The following PHF20 variants were observed in gnomAD, a reference collection of about 807,000 sequenced individuals.
PHF20 encodes the protein PHD finger protein 20.
PHF20 carries 23 observed loss-of-function variants against 113.5 expected under a neutral mutation model. That is an observed-to-expected ratio of 0.20 (90% CI 0.15 to 0.29). The LOEUF is 0.29. Ranked by LOEUF, PHF20 falls within the 10% of genes least tolerant of loss-of-function variation. The probability of loss-of-function intolerance (pLI) is 1.00; values close to 1 mark genes in which losing one functional copy is unlikely to be tolerated. For synonymous variants in PHF20, 434 were observed against 457.3 expected (o/e 0.95, Z 0.65); for missense variants, 943 against 1,219.6 (o/e 0.77, Z 3.38).
rs1045717999 is a variant in PHF20, at chr20:35,917,803, C to T, written c.2004+141C>T. On this transcript the variant is annotated intron_variant, in intron 13 of 17. Transcript: ENST00000374012. ...GGCAGCAGACTGAGCTTCTCTTTTTCGTTTGGCTTCCTCAGAGTTCCAGGC... is the reference window on the plus strand; with the variant it reads ...GGCAGCAGACTGAGCTTCTCTTTTTTGTTTGGCTTCCTCAGAGTTCCAGGC... The T allele has an allele frequency of 6.7e-5, 47 of 704,940 alleles. 1 individual carries two copies. Among genetic ancestry groups the T allele is most frequent in the Admixed American group, 5.8e-4 (20 of 34,230 alleles). 43.7% of individuals were successfully genotyped at this position (704,940 alleles called of 1,614,324 possible).
intron 1 of PHF20, among the ~76,000 whole-genome samples, chr20:35,786,539 T>A (rs771259064): frequency 1.1e-4 from 16 of 151,744 alleles, no homozygotes; most frequent in Non-Finnish European, 2.2e-4. Context: ...CTGTCTCTAC[T>A]AAAATACAAA....
At chr20:35,814,887 A>T (rs185215104) in intron 2 of PHF20, among the ~76,000 whole-genome samples, 5,252 of 147,084 alleles carry the variant, frequency 0.036, 226 homozygotes, top group African/African-American at 0.088. Flanking sequence ...AAAAAAAAAA[A>T]AAATAAAATA....
chr20:35,823,227 T>C (rs976814120), intron 2 of PHF20, among the ~76,000 whole-genome samples: 2 of 152,062 alleles, frequency 1.3e-5, no homozygotes, highest in African/African-American at 4.8e-5. Flanking sequence ...TTTGAGATGC[T>C]CAACCCATAG....
intron 7 of PHF20, among the ~76,000 whole-genome samples, chr20:35,870,349 C>T (rs1475352776): frequency 1.4e-5 from 2 of 143,028 alleles, no homozygotes; most frequent in African/African-American, 2.6e-5. Flanking sequence ...GGTGTGGTGG[C>T]GGGTGCCTGT....
At position 35,869,444 on chromosome 20, in the gene PHF20, A is replaced by G. The variant is rs1383940548; in HGVS notation, c.815A>G (p.Asp272Gly). 1 of 1,569,172 alleles carries G rather than the reference A, an allele frequency of 6.4e-7. No homozygotes were observed. The highest frequency in any genetic ancestry group is 8.7e-7 in the Non-Finnish European group (1 of 1,143,482). ...RPPSIAPTAV[D>G]SNSQTLQPIT... is the part of the protein sequence containing the mutation. ...GGTTTTATAAACATGGTAGCTGTGG[A>G]TTCAAACTCTCAAACTTTGCAACCA... Residue 272 changes from aspartate to glycine, a missense_variant, in exon 7 of 18, where the codon GAT becomes GGT. Asp to Gly is a moderately conservative substitution (Grantham distance 94). Around this residue, in one of 3 missense-constraint regions of PHF20, gnomAD observed 592 missense variants for 787.2 expected, o/e 0.75. Coordinates refer to ENST00000374012, the MANE Select transcript of PHF20 (RefSeq NM_016436.5).
chr20:35,905,696 T>G (rs2055190044), intron 10 of PHF20, among the ~76,000 whole-genome samples: 1 of 152,196 alleles, frequency 6.6e-6, no homozygotes, highest in Non-Finnish European at 1.5e-5. Context: ...AACCCACGCC[T>G]TAAGGAGTGA....
chr20:35,802,311 G>T (rs1172622701), intron 2 of PHF20, among the ~76,000 whole-genome samples: 1 of 151,922 alleles, frequency 6.6e-6, no homozygotes. Flanking sequence ...CTCAAGGTGA[G>T]CGTGGGGTTT....
intron 4 of PHF20, chr20:35,851,027 C>A: frequency 2.7e-6 from 1 of 364,102 alleles, no homozygotes; most frequent in Non-Finnish European, 5.2e-6. Context: ...CTCCTGACCT[C>A]AAATGATCCA....
intron 2 of PHF20, among the ~76,000 whole-genome samples, chr20:35,814,281 G>A (rs1361795747): frequency 6.6e-6 from 1 of 151,420 alleles, no homozygotes; most frequent in Non-Finnish European, 1.5e-5. Context: ...GCAGTGGTAC[G>A]ATCTCGGCTC....
intron 9 of PHF20, among the ~76,000 whole-genome samples, chr20:35,897,582 T>C (rs990023481): frequency 3.7e-5 from 5 of 136,020 alleles, no homozygotes; most frequent in South Asian, 2.4e-4. Flanking sequence ...TTTTTTTTTT[T>C]CTGAGACGGG....
chr20:35,814,518 A>G (rs1349604206), intron 2 of PHF20, among the ~76,000 whole-genome samples: 2 of 149,452 alleles, frequency 1.3e-5, no homozygotes, highest in South Asian at 2.2e-4. Flanking sequence ...CGCCCGGCCT[A>G]TAATATTAAA....
intron 2 of PHF20, among the ~76,000 whole-genome samples, chr20:35,804,382 C>T (rs1441700715): frequency 6.6e-6 from 1 of 151,932 alleles, no homozygotes; most frequent in African/African-American, 2.4e-5. Flanking sequence ...TACAGGCACC[C>T]ACCACCATGC....
chr20:35,925,975 AG>A (rs2055622106), intron 13 of PHF20, among the ~76,000 whole-genome samples: 1 of 151,484 alleles, frequency 6.6e-6, no homozygotes, highest in Non-Finnish European at 1.5e-5. Context: ...ACAAAAAATT[AG>A]CTGGGCATGG....
At chr20:35,865,082 C>T (rs1211501669) in intron 6 of PHF20, among the ~76,000 whole-genome samples, 1 of 152,008 alleles carries the variant, frequency 6.6e-6, no homozygotes, top group Non-Finnish European at 1.5e-5. Context: ...ATCCCAGCTA[C>T]TCAGGAGGCT....
chr20:35,772,532 A>G (rs1162666661), intron 1 of PHF20, among the ~76,000 whole-genome samples: 4 of 152,224 alleles, frequency 2.6e-5, no homozygotes, highest in African/African-American at 9.6e-5. Flanking sequence ...TCTGGGGAGC[A>G]CATTCCTTTC....
chr20:35,793,995 C>CAAAACAAAAAAAAAAAAAAAAAAA (rs1385077985), intron 1 of PHF20, among the ~76,000 whole-genome samples: 2 of 33,836 alleles, frequency 5.9e-5, no homozygotes, highest in Non-Finnish European at 1.1e-4. Flanking sequence ...GACTCTGTCT[C>CAAAACAAAAAAAAAAAAAAAAAAA]AAAAAAAAAA....
At chr20:35,843,921 T>C (rs2042575859) in intron 3 of PHF20, among the ~76,000 whole-genome samples, 1 of 152,172 alleles carries the variant, frequency 6.6e-6, no homozygotes, top group Non-Finnish European at 1.5e-5. Flanking sequence ...TGGACTGTAT[T>C]CCATTTTTCT....
intron 1 of PHF20, among the ~76,000 whole-genome samples, chr20:35,776,542 G>C (rs2041178956): frequency 6.6e-6 from 1 of 152,094 alleles, no homozygotes. Flanking sequence ...TGGAGACAAA[G>C]ACTACCTCTG....
At position 35,870,936 on chromosome 20, in the gene PHF20, T is replaced by C. The variant is rs1322330042; in HGVS notation, c.923-19T>C. 2 of 1,560,320 alleles carry C rather than the reference T, an allele frequency of 1.3e-6. No individual in the cohort carries two copies. The highest frequency in any genetic ancestry group is 1.7e-6 in the Non-Finnish European group (2 of 1,159,012). ...TTCTTGTTGGTCTCTTGACTACAAC[T>C]CTCTTAATGGTTTAATAGCCCAGGA... On this transcript the variant is annotated intron_variant, in intron 7 of 17. Coordinates refer to ENST00000374012, the MANE Select transcript of PHF20 (RefSeq NM_016436.5).
Sources: gnomAD v4.1 joint callset for allele counts (sites outside exome capture counted in the v4.1 genomes callset) on GRCh38, gnomAD v4.1.1 for gene constraint, gnomAD v4.1.1 regional missense constraint, MANE v1.5 for transcripts, NCBI Gene and HGNC (gene_info 2026-07-23, HGNC 2026-07-21) for gene names.